The following TP63 variants were observed in gnomAD, a reference collection of about 807,000 sequenced individuals.
TP63 encodes the protein tumor protein p63, also known as tumor protein 63.
Under a neutral mutation model 82.8 loss-of-function variants are expected in TP63, and 17 were observed. That is an observed-to-expected ratio of 0.21 (90% CI 0.14 to 0.31). The LOEUF (loss-of-function observed/expected upper bound fraction) is 0.31. Ranked by LOEUF, TP63 falls within the 10% of genes least tolerant of loss-of-function variation. TP63 has a pLI of 1.00. For synonymous variants in TP63, 330 were observed against 321.7 expected, an observed-to-expected ratio of 1.03 and a Z score of -0.28; for missense variants, 648 against 895.3, an observed-to-expected ratio of 0.72 and a Z score of 3.52.
rs181639836 is a variant in TP63 at position 189,733,038 on chromosome 3, C to A, written c.63-4702C>A. On this transcript the variant is annotated intron_variant, in intron 1 of 13. Transcript: ENST00000264731. Reference sequence around the variant, plus strand: ...GGAGATCCTGGTCTCCATGCTGTCACGTGCAAGGAAGCTGAAGTTTGAGGA... The same window carrying A: ...GGAGATCCTGGTCTCCATGCTGTCAAGTGCAAGGAAGCTGAAGTTTGAGGA... 8.5e-5 allele frequency among the ~76,000 whole-genome samples: 13 copies of A among 152,218 alleles called. No homozygotes were observed. In the East Asian group the frequency reaches 2.5e-3, roughly 29 times the overall value.
chr3:189,742,638 T>C (rs1721082993), intron 3 of TP63, among the ~76,000 whole-genome samples: 2 of 152,238 alleles, frequency 1.3e-5, no homozygotes, highest in Admixed American at 1.3e-4. Context: ...CGTAGTGCCC[T>C]ACATCTTATA....
intron 1 of TP63, among the ~76,000 whole-genome samples, chr3:189,641,607 A>AT (rs199728595): frequency 0.021 from 3,211 of 152,256 alleles, 60 homozygotes; most frequent in Non-Finnish European, 0.032. Context: ...CTTTCCAGTT[A>AT]TTATGTAAGT....
chr3:189,652,940 G>A (rs1713020228), intron 1 of TP63, among the ~76,000 whole-genome samples: 1 of 146,798 alleles, frequency 6.8e-6, no homozygotes, highest in Non-Finnish European at 1.5e-5. Flanking sequence ...TCCCAGCCAT[G>A]TGGAACTGAG....
intron 1 of TP63, among the ~76,000 whole-genome samples, chr3:189,657,222 T>C (rs2108646726): frequency 6.6e-6 from 1 of 152,208 alleles, no homozygotes; most frequent in East Asian, 1.9e-4. Context: ...AGGAGATTTA[T>C]TTTTGGGCAG....
chr3:189,651,960 C>T (rs1271242388), intron 1 of TP63, among the ~76,000 whole-genome samples: 2 of 147,056 alleles, frequency 1.4e-5, no homozygotes, highest in African/African-American at 5.1e-5. Context: ...GGTTTGGGAA[C>T]CTCCACCTAG....
intron 1 of TP63, among the ~76,000 whole-genome samples, chr3:189,702,968 A>T (rs931674801): frequency 4.6e-5 from 7 of 152,220 alleles, no homozygotes; most frequent in African/African-American, 1.7e-4. Context: ...TGTACCTCAT[A>T]TGTATTATCA....
chr3:189,608,938 AT>A, the TP63 span, among the ~76,000 whole-genome samples: 19 of 110,380 alleles, frequency 1.7e-4, no homozygotes, highest in East Asian at 0.011. Flanking sequence ...CCACGTACAA[AT>A]TTAATGCATG....
chr3:189,622,882 C>T, the TP63 span, among the ~76,000 whole-genome samples: 2 of 152,192 alleles, frequency 1.3e-5, no homozygotes, highest in Admixed American at 1.3e-4. Flanking sequence ...CAATGAGATA[C>T]TGTCTGTGAA....
At chr3:189,655,407 C>T (rs1713258904) in intron 1 of TP63, among the ~76,000 whole-genome samples, 1 of 152,060 alleles carries the variant, frequency 6.6e-6, no homozygotes, top group African/African-American at 2.4e-5. Context: ...GGTGCATCAC[C>T]TGAGGTCAAG....
At chr3:189,759,695 T>G (rs957333875) in intron 3 of TP63, among the ~76,000 whole-genome samples, 2 of 152,172 alleles carry the variant, frequency 1.3e-5, no homozygotes, top group African/African-American at 2.4e-5. Flanking sequence ...GAAAGGAGTG[T>G]CTGCGTTGAG....
chr3:189,882,961 G>C (rs989410374), intron 10 of TP63, among the ~76,000 whole-genome samples: 2 of 152,148 alleles, frequency 1.3e-5, no homozygotes, highest in Non-Finnish European at 2.9e-5. Flanking sequence ...GAAAAATCTA[G>C]TGAGGCTCTA....
At chr3:189,837,264 C>A (rs985216049) in intron 4 of TP63, among the ~76,000 whole-genome samples, 2 of 151,804 alleles carry the variant, frequency 1.3e-5, no homozygotes, top group Non-Finnish European at 2.9e-5. Flanking sequence ...AATTATGTCA[C>A]ATAATTTGGC....
intron 1 of TP63, among the ~76,000 whole-genome samples, chr3:189,694,171 T>A (rs1056152954): frequency 5.3e-5 from 8 of 152,300 alleles, no homozygotes; most frequent in Non-Finnish European, 1.2e-4. Context: ...TCATTTTACA[T>A]AAGCTTTTAA....
chr3:189,676,595 A>T (rs896360587), intron 1 of TP63, among the ~76,000 whole-genome samples: 6 of 150,392 alleles, frequency 4.0e-5, no homozygotes, highest in Non-Finnish European at 8.9e-5. Flanking sequence ...ATGTTCCTTT[A>T]AAAAAAAATA....
intron 3 of TP63, among the ~76,000 whole-genome samples, chr3:189,800,314 G>T (rs1387276014): frequency 6.6e-6 from 1 of 151,972 alleles, no homozygotes; most frequent in Non-Finnish European, 1.5e-5. Flanking sequence ...TTTATTCTAG[G>T]AGAATAGGGA....
At chr3:189,728,170 T>C (rs1320435298) in intron 1 of TP63, among the ~76,000 whole-genome samples, 2 of 112,152 alleles carry the variant, frequency 1.8e-5, no homozygotes, top group South Asian at 5.3e-4. Flanking sequence ...GAGTTTCGTT[T>C]ATAAAAAAAA....
rs942176630 is a variant in TP63, at chr3:189,894,814, C to A, written c.*312C>A. 1 of 404,896 alleles carries A rather than the reference C, an allele frequency of 2.5e-6. No individual in the cohort carries two copies. The highest frequency in any genetic ancestry group is 2.0e-5 in the African/African-American group (1 of 51,114). The allele number at this position is 404,896 out of a possible 1,614,324, so 25.1% of individuals were successfully genotyped here. On this transcript the variant is annotated 3_prime_UTR_variant, in exon 14 of 14. Transcript: ENST00000264731. ...CATTGACTTTTATAAAGCATGTTCA[C>A]CCTTATAGTCTAAGACTATATATAT...
At chr3:189,865,743 G>A (rs552065506) in intron 5 of TP63, among the ~76,000 whole-genome samples, 3 of 152,096 alleles carry the variant, frequency 2.0e-5, no homozygotes, top group Non-Finnish European at 2.9e-5. Flanking sequence ...CACATTATCC[G>A]TACATTTATC....
At chr3:189,623,300 C>G in the TP63 span, among the ~76,000 whole-genome samples, 1 of 152,144 alleles carries the variant, frequency 6.6e-6, no homozygotes, top group Non-Finnish European at 1.5e-5. Flanking sequence ...CTTATGGGCT[C>G]AAACTAACCA....
Sources: gnomAD v4.1 joint callset for allele counts (sites outside exome capture counted in the v4.1 genomes callset) on GRCh38, gnomAD v4.1.1 for gene constraint, MANE v1.5 for transcripts, NCBI Gene and HGNC (gene_info 2026-07-23, HGNC 2026-07-21) for gene names.